The following MANBA variants were observed in gnomAD, a reference collection of about 807,000 sequenced individuals.
MANBA encodes mannosidase beta.
Under a neutral mutation model 111.1 loss-of-function variants are expected in MANBA, and 83 were observed. The observed-to-expected ratio is 0.75, with a 90% CI of 0.63 to 0.90. MANBA has a LOEUF of 0.90. Ranked by LOEUF, MANBA falls within the 40% of genes least tolerant of loss-of-function variation. MANBA has a pLI of 0.00. For missense variants in MANBA, 1,036 were observed against 1,069.0 expected, an observed-to-expected ratio of 0.97 and a Z score of 0.43; for synonymous variants, 370 against 378.7, an observed-to-expected ratio of 0.98 and a Z score of 0.27.
At chr4:102,668,323 T>G (rs6817508) in intron 10 of MANBA, 10,050 of 153,212 alleles carry the variant, frequency 0.066, 1,039 homozygotes, top group African/African-American at 0.22. Flanking sequence ...TTTTATATAT[T>G]TCCTGTGCCA....
chr4:102,658,733 A>T (rs1349311051), intron 11 of MANBA: 1 of 152,152 alleles, frequency 6.6e-6, no homozygotes, highest in Non-Finnish European at 1.5e-5. Flanking sequence ...TGAGGGTGCA[A>T]GAGATGGTGC....
In MANBA at chr4:102,687,659, AT is replaced by A. The variant is rs750779706; in HGVS notation, c.960+1914del. 2.0e-5 allele frequency among the ~76,000 whole-genome samples: 3 copies of A among 152,188 alleles called. 1 individual carries two copies. The highest frequency in any genetic ancestry group is 4.8e-5 in the African/African-American group (2 of 41,442). On this transcript the variant is annotated intron_variant, in intron 7 of 16. Coordinates refer to ENST00000647097, the MANE Select transcript of MANBA (RefSeq NM_005908.4). ...CACAGGCTCTGGGAATCTTCCCAGA[AT>A]GCCCCTGCTCTGCACTTCCATGGCA...
Position 102,657,705 on chromosome 4 carries a change from G to T in MANBA, c.1681C>A (p.Pro561Thr), listed in dbSNP as rs1346956735. 2.5e-6 allele frequency: 4 copies of T among 1,612,284 alleles called. No individual in the cohort carries two copies. Among genetic ancestry groups the T allele is most frequent in the Non-Finnish European group, 3.4e-6 (4 of 1,178,510 alleles). The change falls in exon 12 of 17, where the codon CCG becomes ACG. Residue 561 changes from proline to threonine, a missense_variant. Physicochemically the swap from Pro to Thr is conservative, Grantham distance 38. Transcript: ENST00000647097. ...ACCTTTTCTAATGTACTGAAGGACG[G>T]CCAGGACTGATATCCATATTCAGAT... ...FASEYGYQSW[P>T]SFSTLEKVSS... is the part of the protein sequence containing the mutation.
chr4:102,751,977 G>T, intron 1 of MANBA: 2 of 716,650 alleles, frequency 2.8e-6, no homozygotes, highest in Non-Finnish European at 5.3e-6. Flanking sequence ...GAAGTGCAGA[G>T]TCTATAGCTG....
rs148906604 is a variant in MANBA at position 102,760,227 on chromosome 4, CACA to C, written c.177+488_177+490del. Among the ~76,000 whole-genome samples the C allele has an allele frequency of 3.4e-4, 52 of 152,308 alleles. No homozygotes were observed. In the East Asian group the frequency reaches 6.6e-3, roughly 19 times the overall value. ...AACTTTACTCTTGTAGGTCATTCTC[CACA>C]ACGTCTGTGCTGCGTCAATCCCAAA... On this transcript the variant is annotated intron_variant, in intron 1 of 16. Coordinates refer to ENST00000647097, the MANE Select transcript of MANBA (RefSeq NM_005908.4).
At chr4:102,686,414 G>A (rs2110239000) in intron 7 of MANBA, among the ~76,000 whole-genome samples, 1 of 152,224 alleles carries the variant, frequency 6.6e-6, no homozygotes, top group Non-Finnish European at 1.5e-5. Context: ...TTGCCTATGT[G>A]AAGCCAATCT....
chr4:102,688,253 T>C (rs1732306142), intron 7 of MANBA, among the ~76,000 whole-genome samples: 1 of 151,954 alleles, frequency 6.6e-6, no homozygotes, highest in Non-Finnish European at 1.5e-5. Context: ...GGGTCCAGGA[T>C]GTTCTCCCTG....
At chr4:102,716,701 A>G (rs552350564) in intron 4 of MANBA, among the ~76,000 whole-genome samples, 8 of 152,340 alleles carry the variant, frequency 5.3e-5, no homozygotes, top group South Asian at 2.1e-4. Flanking sequence ...GTGTAAAGCT[A>G]TAAGTTCAGC....
At chr4:102,749,968 G>A (rs960448825) in intron 1 of MANBA, among the ~76,000 whole-genome samples, 2 of 152,108 alleles carry the variant, frequency 1.3e-5, no homozygotes, top group African/African-American at 4.8e-5. Context: ...CATCAAACAA[G>A]AAAGTATATG....
chr4:102,716,754 A>G (rs927035184), intron 4 of MANBA, among the ~76,000 whole-genome samples: 25 of 152,084 alleles, frequency 1.6e-4, no homozygotes, highest in Non-Finnish European at 3.1e-4. Context: ...TTATGGGGGG[A>G]AAAAAAGTAA....
chr4:102,678,452 A>G (rs1371689552), intron 7 of MANBA, among the ~76,000 whole-genome samples: 1 of 152,168 alleles, frequency 6.6e-6, no homozygotes, highest in African/African-American at 2.4e-5. Flanking sequence ...TTTCTTGAAA[A>G]GACCCTTGAG....
chr4:102,701,291 G>A (rs1239516862), intron 5 of MANBA, among the ~76,000 whole-genome samples: 1 of 151,888 alleles, frequency 6.6e-6, no homozygotes, highest in African/African-American at 2.4e-5. Flanking sequence ...ACAGCACACT[G>A]ATGGGTCTTG....
At chr4:102,747,417 G>A (rs1472473895) in intron 1 of MANBA, among the ~76,000 whole-genome samples, 5 of 152,164 alleles carry the variant, frequency 3.3e-5, no homozygotes, top group Non-Finnish European at 7.3e-5. Context: ...TGATTAGATT[G>A]TGCCCATCCA....
intron 1 of MANBA, among the ~76,000 whole-genome samples, chr4:102,733,843 T>TA (rs1723115092): frequency 6.6e-6 from 1 of 152,202 alleles, no homozygotes; most frequent in Admixed American, 6.5e-5. Flanking sequence ...GAATCACAAA[T>TA]AAAAAACAAT....
chr4:102,693,532 A>C (rs935565326), intron 5 of MANBA, among the ~76,000 whole-genome samples: 2 of 152,192 alleles, frequency 1.3e-5, no homozygotes, highest in African/African-American at 4.8e-5. Flanking sequence ...ACTGGAAACC[A>C]AATGGGCCAA....
chr4:102,760,030 G>A (rs935288697), intron 1 of MANBA, among the ~76,000 whole-genome samples: 5 of 152,002 alleles, frequency 3.3e-5, no homozygotes, highest in African/African-American at 1.2e-4. Flanking sequence ...ATGCGCACAG[G>A]CAGCCAAACA....
At position 102,734,645 on chromosome 4, in the gene MANBA, G is replaced by T. The variant is rs1020567120; in HGVS notation, c.178-7962C>A. 20 of 1,489,978 alleles carry T rather than the reference G, an allele frequency of 1.3e-5. No homozygotes were observed. The African/African-American group carries it at 2.6e-4, about 20-fold the overall frequency. 92.3% of individuals were successfully genotyped at this position (1,489,978 alleles called of 1,614,324 possible). On this transcript the variant is annotated intron_variant, in intron 1 of 16. Transcript: ENST00000647097. Reference sequence around the variant, plus strand: ...GGAGGCCCGAGGAGCCAGACAGGCAGGGAGAGGGCCTTGGGGACAGCCCTC... The same window carrying T: ...GGAGGCCCGAGGAGCCAGACAGGCATGGAGAGGGCCTTGGGGACAGCCCTC...
chr4:102,687,815 C>T (rs1278642544), intron 7 of MANBA, among the ~76,000 whole-genome samples: 1 of 152,130 alleles, frequency 6.6e-6, no homozygotes, highest in East Asian at 1.9e-4. Context: ...AGCTCTATCA[C>T]CAGCACCTAG....
intron 11 of MANBA, among the ~76,000 whole-genome samples, chr4:102,659,926 C>T (rs1357417554): frequency 6.6e-6 from 1 of 152,074 alleles, no homozygotes; most frequent in Non-Finnish European, 1.5e-5. Flanking sequence ...TCTCCATCCC[C>T]AGATGGACAC....
Sources: gnomAD v4.1 joint callset for allele counts (sites outside exome capture counted in the v4.1 genomes callset) on GRCh38, gnomAD v4.1.1 for gene constraint, MANE v1.5 for transcripts, NCBI Gene and HGNC (gene_info 2026-07-23, HGNC 2026-07-21) for gene names.